The following FLT3 variants were observed in gnomAD, a reference collection of about 807,000 sequenced individuals.
FLT3 encodes receptor-type tyrosine-protein kinase FLT3.
A neutral mutation model predicts 126.6 loss-of-function variants in FLT3; 46 were observed. The ratio of observed to expected loss-of-function variants is 0.36; its 90% CI spans 0.29 to 0.46. The LOEUF is 0.46. FLT3 is among the 20% of genes least tolerant of loss of function. FLT3 has a pLI of 1.00. For synonymous variants in FLT3, 404 were observed against 434.4 expected (o/e 0.93, Z 0.87); for missense variants, 1,069 against 1,190.3 (o/e 0.90, Z 1.50).
chr13:28,023,337 A>G lies in FLT3; in HGVS notation c.2418+13T>C, dbSNP rs1872560538. The G allele has an allele frequency of 1.9e-6, 3 of 1,594,158 alleles. No individual in the cohort carries two copies. The East Asian group carries it at 6.7e-5, about 36-fold the overall frequency. The stretch of plus-strand genomic sequence containing the variant: ...CTTTTTTTTGGTTTGTTTTTTCTTT[A>G]AAAGGAGCATACCGACTTAAATTCC... On this transcript the variant is annotated intron_variant, in intron 19 of 23. Transcript: ENST00000241453.
intron 1 of FLT3, among the ~76,000 whole-genome samples, chr13:28,093,039 A>C (rs1409825079): frequency 6.7e-6 from 1 of 149,426 alleles, no homozygotes; most frequent in Non-Finnish European, 1.5e-5. Flanking sequence ...CTCTTGCCTC[A>C]GCCTCCCTAG....
intron 23 of FLT3, among the ~76,000 whole-genome samples, chr13:28,012,635 A>G (rs973204141): frequency 2.0e-5 from 3 of 152,128 alleles, no homozygotes; most frequent in African/African-American, 7.2e-5. Flanking sequence ...AATGAGTAAC[A>G]TCAATCAGTC....
chr13:28,080,305 G>A (rs1250422618), intron 1 of FLT3, among the ~76,000 whole-genome samples: 1 of 152,228 alleles, frequency 6.6e-6, no homozygotes, highest in African/African-American at 2.4e-5. Flanking sequence ...GAACCCAGGA[G>A]GTGGAGATTG....
In FLT3 at chr13:28,070,516, A is replaced by G; in HGVS notation, c.140T>C (p.Val47Ala). Residue 47 changes from valine to alanine, a missense_variant, in exon 2 of 24, where the codon GTG becomes GCG. Val to Ala is a moderately conservative substitution (Grantham distance 64). Coordinates refer to ENST00000241453, the MANE Select transcript of FLT3 (RefSeq NM_004119.3). ...LINHKNNDSS[V>A]GKSSSYPMVS... ...CATGGGATATGATGATGACTTCCCC[A>G]CTGATGAATCATTGTTCTTATGATT... is the stretch of plus-strand genomic sequence containing the variant. The G allele has an allele frequency of 6.2e-7, 1 of 1,609,786 alleles. No homozygotes were observed. The highest frequency in any genetic ancestry group is 1.1e-5 in the South Asian group (1 of 90,966).
At chr13:28,015,032 T>C (rs896786766) in intron 22 of FLT3, 125 bp downstream of exon 22, 3 of 632,126 alleles carry the variant, frequency 4.7e-6, no homozygotes, top group African/African-American at 1.9e-5. Context: ...CTCACTTCTA[T>C]TTTTTAAAAA....
intron 1 of FLT3, among the ~76,000 whole-genome samples, chr13:28,086,651 T>C (rs1593302898): frequency 6.6e-6 from 1 of 151,210 alleles, no homozygotes; most frequent in African/African-American, 2.4e-5. Flanking sequence ...TGTGTGTGTG[T>C]GTGTGTGTGT....
chr13:28,062,089 A>C lies in FLT3; in HGVS notation c.166-20T>G. On this transcript the variant is annotated intron_variant, in intron 2 of 23. Coordinates refer to ENST00000241453, the MANE Select transcript of FLT3 (RefSeq NM_004119.3). ...TGATACCTACGTTGCAGATAGAACA[A>C]AGTGAATTCATGAAAACTGCAGGTC... 6.3e-7 allele frequency: 1 copy of C among 1,599,580 alleles called. No homozygotes were observed. The highest frequency in any genetic ancestry group is 2.2e-5 in the East Asian group (1 of 44,742).
At chr13:28,048,253 T>C in intron 9 of FLT3, 22 bp downstream of exon 9, 1 of 1,595,844 alleles carries the variant, frequency 6.3e-7, no homozygotes, top group Non-Finnish European at 8.6e-7. Context: ...AAATGGTATC[T>C]TAGAGTCCTT....
intron 9 of FLT3, among the ~76,000 whole-genome samples, chr13:28,044,814 C>A (rs1331281528): frequency 6.6e-6 from 1 of 152,186 alleles, no homozygotes; most frequent in Non-Finnish European, 1.5e-5. Flanking sequence ...ATGGTCCTTG[C>A]AGTGAAGAGG....
At chr13:28,031,969 C>A (rs533007490) in intron 15 of FLT3, among the ~76,000 whole-genome samples, 1 of 152,118 alleles carries the variant, frequency 6.6e-6, no homozygotes, top group South Asian at 2.1e-4. Flanking sequence ...CAGGAGAGAG[C>A]CTTGAACTAG....
At position 28,027,216 on chromosome 13, in the gene FLT3, G is replaced by A. The variant is rs2137652521; in HGVS notation, c.2079C>T (p.Tyr693=). The change falls in exon 17 of 24, where the codon TAC becomes TAT. Residue 693 remains tyrosine, a synonymous_variant. Coordinates refer to ENST00000241453, the MANE Select transcript of FLT3 (RefSeq NM_004119.3). ...AGTTGAGAAGATCACCATAGCAACAGTATTCAAAAATCAAGTAAATTGGTC... is the reference window on the plus strand; with the variant it reads ...AGTTGAGAAGATCACCATAGCAACAATATTCAAAAATCAAGTAAATTGGTC... ...LSGPIYLIFE[Y]CCYGDLLNYL... 2 of 1,611,656 alleles carry A rather than the reference G, an allele frequency of 1.2e-6. No individual in the cohort carries two copies. Among genetic ancestry groups the A allele is most frequent in the Non-Finnish European group, 1.7e-6 (2 of 1,178,554 alleles).
intron 23 of FLT3, among the ~76,000 whole-genome samples, chr13:28,007,401 T>C (rs928269986): frequency 6.6e-6 from 1 of 152,046 alleles, no homozygotes; most frequent in African/African-American, 2.4e-5. Flanking sequence ...TGTGCGCCAC[T>C]ACACCTGGTT....
intron 23 of FLT3, among the ~76,000 whole-genome samples, chr13:28,007,727 T>C (rs1871035232): frequency 6.6e-6 from 1 of 152,190 alleles, no homozygotes; most frequent in South Asian, 2.1e-4. Context: ...TGCCTCAATT[T>C]ACTAGTCTGC....
intron 17 of FLT3, chr13:28,025,146 C>T (rs995783641): frequency 8.1e-5 from 46 of 567,158 alleles, no homozygotes; most frequent in Non-Finnish European, 1.3e-4. Context: ...AAAGTAATCC[C>T]TGTTTTCCAT....
At chr13:28,008,367 T>G (rs1871099837) in intron 23 of FLT3, among the ~76,000 whole-genome samples, 1 of 152,034 alleles carries the variant, frequency 6.6e-6, no homozygotes, top group African/African-American at 2.4e-5. Flanking sequence ...AATTATGAAT[T>G]TGGGTAACTC....
chr13:28,040,556 C>T (rs1361803920), intron 9 of FLT3, among the ~76,000 whole-genome samples: 4 of 152,152 alleles, frequency 2.6e-5, no homozygotes, highest in South Asian at 2.1e-4. Context: ...ATCCACAAAA[C>T]GCCACTGCGT....
chr13:28,063,697 T>TAAGTAC (rs1876767628), intron 2 of FLT3, among the ~76,000 whole-genome samples: 4 of 147,986 alleles, frequency 2.7e-5, no homozygotes, highest in East Asian at 2.0e-4. Context: ...GTTCACTTAC[T>TAAGTAC]ATGATAAGTG....
Position 28,100,316 on chromosome 13 carries a change from C to T in FLT3, c.43+152G>A, listed in dbSNP as rs528655271. ...AAGTAGTGGGCGAGTCCGGAGGGCG[C>T]GAAAGAGGGGAGGGGCGCGGGAGGC... On this transcript the variant is annotated intron_variant, in intron 1 of 23. Coordinates refer to ENST00000241453, the MANE Select transcript of FLT3 (RefSeq NM_004119.3). This position sits in a 1 kb window ranked among gnomAD's most constrained non-coding sequence, Gnocchi z 4.8. The T allele has an allele frequency of 0.01, 4,649 of 459,708 alleles. 79 individuals carry two copies. The highest frequency in any genetic ancestry group is 0.01 in the Non-Finnish European group (3,046 of 294,428). 28.5% of individuals were successfully genotyped at this position (459,708 alleles called of 1,614,324 possible).
At chr13:28,033,834 C>G (rs756836248) in intron 15 of FLT3, 53 bp downstream of exon 15, 13 of 1,318,796 alleles carry the variant, frequency 9.9e-6, no homozygotes, top group Non-Finnish European at 1.4e-5. Flanking sequence ...GGGTGGGAAA[C>G]TGTGCCTCCC....
Sources: gnomAD v4.1 joint callset for allele counts (sites outside exome capture counted in the v4.1 genomes callset) on GRCh38, gnomAD v4.1.1 for gene constraint, Gnocchi (gnomAD v3.1) non-coding constraint, MANE v1.5 for transcripts, NCBI Gene and HGNC (gene_info 2026-07-23, HGNC 2026-07-21) for gene names.